VPS8: variants seen among roughly 807,000 people sequenced by gnomAD.
VPS8 encodes the protein vacuolar protein sorting-associated protein 8 homolog.
A neutral mutation model predicts 216.4 loss-of-function variants in VPS8; 129 were observed. The observed-to-expected ratio is 0.60, with a 90% CI of 0.52 to 0.69. VPS8 has a LOEUF of 0.69. Among genes scored for constraint, VPS8 ranks in the 30% least tolerant of loss-of-function variants. The pLI, the probability that VPS8 is intolerant of heterozygous loss-of-function variation, is 0.00. For missense variants in VPS8, 1,531 were observed against 1,683.5 expected (o/e 0.91, Z 1.59); for synonymous variants, 571 against 565.4 (o/e 1.01, Z -0.14).
chr3:185,050,248 G>A (rs544816659), intron 47 of VPS8, among the ~76,000 whole-genome samples: 60 of 151,964 alleles, frequency 3.9e-4, no homozygotes, highest in African/African-American at 1.2e-3. Flanking sequence ...TGCAGAGAAC[G>A]TCGCAGGCTG....
At chr3:185,048,032 C>T (rs1032437125) in intron 46 of VPS8, among the ~76,000 whole-genome samples, 9 of 152,162 alleles carry the variant, frequency 5.9e-5, no homozygotes, top group African/African-American at 2.2e-4. Flanking sequence ...CCATAGGTGG[C>T]GACCAGCTTT....
rs1324870884 is a variant in VPS8 at position 184,915,446 on chromosome 3, C to G, written c.2354C>G (p.Thr785Arg). The G allele has an allele frequency of 1.2e-6, 2 of 1,613,674 alleles. No homozygotes were observed. Among genetic ancestry groups the G allele is most frequent in the African/African-American group, 1.3e-5 (1 of 74,896 alleles). ...ATTCGGACTTTGCTACATTTTGACA[C>G]AAGAGAATTTCTAAATGTATTGGCA... ...PYIRTLLHFDTREFLNVLALT... is the reference protein window; with the variant it reads ...PYIRTLLHFDRREFLNVLALT... The change falls in exon 28 of 48, where the codon ACA becomes AGA. Residue 785 changes from threonine (T) to arginine (R), a missense_variant. By Grantham distance (71) the Thr-to-Arg change is moderately conservative. This residue lies in a region of VPS8 where 1,318 missense variants were observed against 1,468.4 expected (regional missense o/e 0.90). Transcript: ENST00000625842.
At chr3:185,013,723 G>A (rs1048484479) in intron 45 of VPS8, among the ~76,000 whole-genome samples, 9 of 152,114 alleles carry the variant, frequency 5.9e-5, no homozygotes, top group African/African-American at 1.2e-4. Flanking sequence ...CCACTATACC[G>A]CCATGGTTCC....
chr3:184,842,103 C>T (rs1055858541), intron 7 of VPS8, among the ~76,000 whole-genome samples: 6 of 144,998 alleles, frequency 4.1e-5, no homozygotes, highest in East Asian at 4.2e-4. Flanking sequence ...TGTGGAATGG[C>T]GTGAACCCGG....
At chr3:184,860,203 G>A in intron 15 of VPS8, 138 bp downstream of exon 15, 1 of 751,012 alleles carries the variant, frequency 1.3e-6, no homozygotes, top group South Asian at 2.2e-5. Flanking sequence ...CCGGCACCGA[G>A]GCTCGTGCCT....
At position 185,024,340 on chromosome 3, in the gene VPS8, A is replaced by C. The variant is rs751785861; in HGVS notation, c.4007A>C (p.Lys1336Thr). 23 of 1,591,268 alleles carry C rather than the reference A, an allele frequency of 1.4e-5. No homozygotes were observed. In the Admixed American group the frequency reaches 2.3e-4, roughly 16 times the overall value. The change falls in exon 46 of 48, where the codon AAA becomes ACA. Residue 1336 changes from lysine (K) to threonine (T), a missense_variant. Lys to Thr is a moderately conservative substitution (Grantham distance 78). Around this residue, in one of 3 missense-constraint regions of VPS8, gnomAD observed 1,318 missense variants for 1,468.4 expected, o/e 0.90. Coordinates refer to ENST00000625842, the MANE Select transcript of VPS8 (RefSeq NM_001009921.3). ...ATGTTTGCCTTTTTTTTCCAGGTAA[A>C]AATGTCTCCATCGTATCATCAGTCC... Reference protein sequence around the residue: ...KKGRITPSQVKMSPSYHQSKG... With the variant: ...KKGRITPSQVTMSPSYHQSKG...
chr3:184,826,167 A>G lies in VPS8; in HGVS notation c.158A>G (p.Asp53Gly), dbSNP rs1303565264. Residue 53 changes from aspartate (D) to glycine (G), a missense_variant, in exon 3 of 48, where the codon GAT becomes GGT. Asp to Gly is a moderately conservative substitution (Grantham distance 94, BLOSUM62 -1). This residue lies in a region of VPS8 where 199 missense variants were observed against 182.2 expected (regional missense o/e 1.09). Coordinates refer to ENST00000625842, the MANE Select transcript of VPS8 (RefSeq NM_001009921.3). ...KELEFKNDLI[D>G]DKEFDIPQVD... Reference sequence around the variant, plus strand: ...CTATTTTTTTTCTTTATTTAGATTGATGACAAGGAGTTTGATATTCCTCAA... The same window carrying G: ...CTATTTTTTTTCTTTATTTAGATTGGTGACAAGGAGTTTGATATTCCTCAA... 2 of 1,606,978 alleles carry G rather than the reference A, an allele frequency of 1.2e-6. No homozygotes were observed. The highest frequency in any genetic ancestry group is 2.2e-5 in the East Asian group (1 of 44,740).
At chr3:184,897,426 A>G (rs956080210) in intron 23 of VPS8, among the ~76,000 whole-genome samples, 5 of 152,324 alleles carry the variant, frequency 3.3e-5, no homozygotes, top group African/African-American at 1.2e-4. Context: ...AGATTGCAAG[A>G]CTAAGGCAGG....
intron 21 of VPS8, among the ~76,000 whole-genome samples, chr3:184,879,366 T>C (rs1729871946): frequency 6.6e-6 from 1 of 152,236 alleles, no homozygotes; most frequent in South Asian, 2.1e-4. Flanking sequence ...TTTTCTTTTT[T>C]TTAATTTTGG....
intron 39 of VPS8, among the ~76,000 whole-genome samples, chr3:184,970,877 T>C (rs1748292168): frequency 6.6e-6 from 1 of 152,056 alleles, no homozygotes; most frequent in African/African-American, 2.4e-5. Flanking sequence ...TCCACCAGGG[T>C]AAAAGTTGTG....
intron 42 of VPS8, among the ~76,000 whole-genome samples, chr3:184,989,053 GCAAA>G (rs532060341): frequency 1.3e-5 from 2 of 152,124 alleles, no homozygotes; most frequent in Admixed American, 6.5e-5. Flanking sequence ...CATGTCATCT[GCAAA>G]CAAAGACAGT....
intron 2 of VPS8, 21 bp from the exon 3 acceptor site, chr3:184,826,142 C>T: frequency 1.3e-6 from 2 of 1,575,282 alleles, no homozygotes; most frequent in Non-Finnish European, 1.7e-6. Context: ...TTTGTGAGCA[C>T]TATTTTTTTT....
At chr3:184,831,971 A>G (rs1437819399) in intron 3 of VPS8, among the ~76,000 whole-genome samples, 2 of 152,158 alleles carry the variant, frequency 1.3e-5, no homozygotes, top group Admixed American at 6.5e-5. Flanking sequence ...ACTGCCTGCT[A>G]TATATAGTAT....
chr3:184,929,222 C>T (rs1297991666), intron 32 of VPS8, among the ~76,000 whole-genome samples: 1 of 152,046 alleles, frequency 6.6e-6, no homozygotes, highest in Non-Finnish European at 1.5e-5. Context: ...GAGACAAAGT[C>T]TCCCTCTGTT....
At position 184,971,764 on chromosome 3, in the gene VPS8, A is replaced by G; in HGVS notation, c.3420+12A>G. 1.2e-6 allele frequency: 2 copies of G among 1,608,136 alleles called. No homozygotes were observed. The highest frequency in any genetic ancestry group is 1.7e-6 in the Non-Finnish European group (2 of 1,176,066). ...AGCAGCAACGTGAGGTAGGAGAATG[A>G]CTGTTTAGGTATTTAAAAGCCTGTA... is the stretch of plus-strand genomic sequence containing the variant. On this transcript the variant is annotated intron_variant, in intron 40 of 47. Coordinates refer to ENST00000625842, the MANE Select transcript of VPS8 (RefSeq NM_001009921.3).
intron 28 of VPS8, chr3:184,919,080 G>A (rs1354416497): frequency 2.0e-5 from 3 of 152,180 alleles, no homozygotes; most frequent in Non-Finnish European, 4.4e-5. Flanking sequence ...AGAAGGAAGG[G>A]AAGGACATAC....
intron 45 of VPS8, among the ~76,000 whole-genome samples, chr3:185,013,088 T>C (rs1170464758): frequency 6.6e-6 from 1 of 152,220 alleles, no homozygotes; most frequent in East Asian, 1.9e-4. Context: ...TCACTCATGC[T>C]ATTGTTTGGG....
intron 46 of VPS8, among the ~76,000 whole-genome samples, chr3:185,032,815 G>A (rs1028588184): frequency 2.6e-5 from 4 of 152,066 alleles, no homozygotes; most frequent in African/African-American, 9.7e-5. Context: ...ACAGGTGTCC[G>A]CCACCAAGCC....
At chr3:184,939,827 G>A (rs1184537120) in intron 35 of VPS8, among the ~76,000 whole-genome samples, 1 of 152,132 alleles carries the variant, frequency 6.6e-6, no homozygotes, top group Non-Finnish European at 1.5e-5. Flanking sequence ...ACCAGGTTAA[G>A]GCAAGGTGAA....
Sources: allele counts gnomAD v4.1 joint callset (sites outside exome capture counted in the v4.1 genomes callset), GRCh38; gene constraint gnomAD v4.1.1; regional missense constraint gnomAD v4.1.1; transcripts MANE v1.5; gene names NCBI Gene and HGNC (gene_info 2026-07-23, HGNC 2026-07-21).